The following CASK variants were observed in gnomAD, a reference collection of about 807,000 sequenced individuals.
CASK encodes peripheral plasma membrane protein CASK.
Under a neutral mutation model 82.9 loss-of-function variants are expected in CASK, and 4 were observed. The observed-to-expected ratio is 0.05, with a 90% CI of 0.02 to 0.11. The LOEUF (loss-of-function observed/expected upper bound fraction) is 0.11. Among genes scored for constraint, CASK ranks in the 10% least tolerant of loss-of-function variants. CASK has a pLI of 1.00. For missense variants in CASK, 358 were observed against 720.9 expected (o/e 0.50, Z 5.76); for synonymous variants, 259 against 253.5 (o/e 1.02, Z -0.20).
intron 5 of CASK, among the ~76,000 whole-genome samples, chrX:41,706,578 A>G (rs2067888815): frequency 8.9e-6 from 1 of 112,130 alleles, no homozygotes; most frequent in Non-Finnish European, 1.9e-5. Context: ...GAGAAGGTAA[A>G]GGGAGAGGAT....
intron 10 of CASK, among the ~76,000 whole-genome samples, chrX:41,625,278 C>T (rs758139187): frequency 3.8e-5 from 4 of 104,906 alleles, no homozygotes; most frequent in South Asian, 4.5e-4. Flanking sequence ...CTCTGCCTGC[C>T]GGGTTCACGC....
intron 3 of CASK, among the ~76,000 whole-genome samples, chrX:41,761,233 G>C (rs558980028): frequency 1.8e-5 from 2 of 111,176 alleles, no homozygotes; most frequent in Middle Eastern, 4.6e-3. Context: ...CCTTCTAGTC[G>C]CTTGTGGAAT....
chrX:41,811,573 G>C (rs901174575), intron 2 of CASK, among the ~76,000 whole-genome samples: 1 of 112,078 alleles, frequency 8.9e-6, no homozygotes, highest in South Asian at 3.7e-4. Flanking sequence ...AGAATCTCTG[G>C]GACACATTTA....
chrX:41,657,995 C>T (rs750298897), intron 8 of CASK, among the ~76,000 whole-genome samples: 2 of 110,350 alleles, frequency 1.8e-5, no homozygotes, highest in East Asian at 2.9e-4. Context: ...TCACCAATGG[C>T]CGATGGTTTA....
chrX:41,678,304 C>CTT (rs1220251209), intron 5 of CASK, among the ~76,000 whole-genome samples: 1 of 107,243 alleles, frequency 9.3e-6, no homozygotes, highest in African/African-American at 3.4e-5. Context: ...CTTCCTTATG[C>CTT]TTTTTTTTTT....
chrX:41,556,366 C>T (rs1218828671), intron 19 of CASK: 3 of 112,619 alleles, frequency 2.7e-5, no homozygotes, highest in Non-Finnish European at 5.6e-5. Context: ...AAGTTAAAAA[C>T]AATTCTTTCT....
At chrX:41,576,085 C>T (rs1393225063) in intron 15 of CASK, among the ~76,000 whole-genome samples, 1 of 109,743 alleles carries the variant, frequency 9.1e-6, no homozygotes, top group Non-Finnish European at 1.9e-5. Flanking sequence ...AGCGATTCTT[C>T]TGCCTCAGCC....
intron 21 of CASK, among the ~76,000 whole-genome samples, chrX:41,551,529 CCT>C (rs751525451): frequency 6.8e-4 from 75 of 110,932 alleles, no homozygotes; most frequent in Non-Finnish European, 1.2e-3. Context: ...TGACAAATGC[CCT>C]GTTTGCAAAA....
At chrX:41,917,796 C>T (rs938732572) in intron 1 of CASK, among the ~76,000 whole-genome samples, 5 of 111,725 alleles carry the variant, frequency 4.5e-5, no homozygotes, top group African/African-American at 1.6e-4. Context: ...AGAAAAGCAA[C>T]GGAGTAGCTC....
intron 5 of CASK, chrX:41,724,089 C>A (rs1399213767): frequency 1.8e-5 from 2 of 112,377 alleles, no homozygotes; most frequent in Non-Finnish European, 3.8e-5. Flanking sequence ...GAGGCAGTTG[C>A]CACATTGACC....
intron 16 of CASK, among the ~76,000 whole-genome samples, chrX:41,563,497 C>T (rs992563187): frequency 1.0e-5 from 1 of 95,825 alleles, no homozygotes; most frequent in Non-Finnish European, 2.1e-5. Context: ...AGAAAATAAA[C>T]ATATAATGAA....
At chrX:41,630,861 G>T (rs756512741) in intron 9 of CASK, among the ~76,000 whole-genome samples, 1 of 111,730 alleles carries the variant, frequency 9.0e-6, no homozygotes, top group Admixed American at 9.6e-5. Flanking sequence ...ATCATTTCAA[G>T]GTAGAGATGT....
chrX:41,905,144 T>C (rs1455935061), intron 1 of CASK, among the ~76,000 whole-genome samples: 1 of 112,570 alleles, frequency 8.9e-6, no homozygotes, highest in Non-Finnish European at 1.9e-5. Context: ...CATCCATTAA[T>C]GGACACTGGG....
intron 1 of CASK, among the ~76,000 whole-genome samples, chrX:41,861,517 C>T (rs1189202065): frequency 9.1e-6 from 1 of 109,801 alleles, no homozygotes; most frequent in African/African-American, 3.3e-5. Flanking sequence ...GCAATCTTAG[C>T]TAAATCAAAA....
intron 1 of CASK, among the ~76,000 whole-genome samples, chrX:41,885,953 G>A (rs1282618959): frequency 1.8e-5 from 2 of 112,331 alleles, no homozygotes; most frequent in Non-Finnish European, 3.8e-5. Flanking sequence ...CCACACATAT[G>A]TGGCTTTTTC....
At chrX:41,667,267 G>A (rs953024887) in intron 6 of CASK, among the ~76,000 whole-genome samples, 1 of 111,528 alleles carries the variant, frequency 9.0e-6, no homozygotes, top group African/African-American at 3.3e-5. Flanking sequence ...AGAATGTAGA[G>A]GAAGGCTCTT....
At chrX:41,895,899 AT>A (rs1245623882) in intron 1 of CASK, among the ~76,000 whole-genome samples, 2 of 110,783 alleles carry the variant, frequency 1.8e-5, no homozygotes, top group African/African-American at 6.6e-5. Flanking sequence ...ATGCTGAAAA[AT>A]TGTTTAAAAA....
intron 2 of CASK, among the ~76,000 whole-genome samples, chrX:41,829,620 TG>T (rs1205246234): frequency 0.096 from 1,603 of 16,680 alleles, 209 homozygotes; most frequent in Non-Finnish European, 0.14. Flanking sequence ...TTTTTTTTTT[TG>T]GGGGGGTGGG....
At chrX:41,618,968 G>A (rs1223452056) in intron 11 of CASK, among the ~76,000 whole-genome samples, 1 of 107,529 alleles carries the variant, frequency 9.3e-6, no homozygotes, top group Non-Finnish European at 1.9e-5. Flanking sequence ...CTGGGACTAC[G>A]GGCACCCGCC....
Sources: gnomAD v4.1 joint callset for allele counts (sites outside exome capture counted in the v4.1 genomes callset) on GRCh38, gnomAD v4.1.1 for gene constraint, MANE v1.5 for transcripts, NCBI Gene and HGNC (gene_info 2026-07-23, HGNC 2026-07-21) for gene names.